Variants in SEC24D observed in about 807,000 individuals in gnomAD.
SEC24D encodes protein transport protein Sec24D.
A neutral mutation model predicts 116.9 loss-of-function variants in SEC24D; 69 were observed. The observed-to-expected ratio is 0.59, with a 90% CI of 0.49 to 0.72. SEC24D has a LOEUF of 0.72. Ranked by LOEUF, SEC24D falls within the 30% of genes least tolerant of loss-of-function variation. The probability of loss-of-function intolerance (pLI) is 0.00; values close to 1 mark genes in which losing one functional copy is unlikely to be tolerated. For missense variants in SEC24D, 1,131 were observed against 1,264.1 expected, an observed-to-expected ratio of 0.89 and a Z score of 1.60; for synonymous variants, 405 against 442.8, an observed-to-expected ratio of 0.91 and a Z score of 1.07.
At chr4:118,825,284 C>G (rs1293159916) in intron 2 of SEC24D, among the ~76,000 whole-genome samples, 1 of 152,194 alleles carries the variant, frequency 6.6e-6, no homozygotes, top group Non-Finnish European at 1.5e-5. Flanking sequence ...TTTCCAGAAT[C>G]CTAACTGGCT....
chr4:118,759,730 CTCA>C (rs1274553351), intron 10 of SEC24D, among the ~76,000 whole-genome samples: 1 of 152,148 alleles, frequency 6.6e-6, no homozygotes, highest in East Asian at 1.9e-4. Flanking sequence ...TTTTCATTTT[CTCA>C]TCTTTATCCA....
chr4:118,762,747 G>T (rs978795389), intron 10 of SEC24D, among the ~76,000 whole-genome samples: 2 of 152,064 alleles, frequency 1.3e-5, no homozygotes, highest in Admixed American at 6.6e-5. Flanking sequence ...ATAATAAAAG[G>T]AAGATTATGC....
At chr4:118,752,979 A>G in intron 11 of SEC24D, 91 bp from the exon 12 acceptor site, 1 of 883,948 alleles carries the variant, frequency 1.1e-6, no homozygotes, top group Non-Finnish European at 1.7e-6. Context: ...TGTCTTCTAT[A>G]AAATACATAA....
At chr4:118,762,297 G>A (rs1458190148) in intron 10 of SEC24D, among the ~76,000 whole-genome samples, 1 of 151,958 alleles carries the variant, frequency 6.6e-6, no homozygotes, top group Non-Finnish European at 1.5e-5. Flanking sequence ...TAGAGAATAG[G>A]GCTTCTGTGA....
intron 22 of SEC24D, among the ~76,000 whole-genome samples, chr4:118,725,574 ATTGCTCATCTGAGGTATT>A (rs1490270916): frequency 2.0e-5 from 3 of 151,532 alleles, no homozygotes; most frequent in African/African-American, 7.3e-5. Flanking sequence ...AGAAGGTCAG[ATTGCTCATCTGAGGTATT>A]TTCTATTGCT....
At chr4:118,724,562 T>G (rs1243784757) in intron 22 of SEC24D, among the ~76,000 whole-genome samples, 1 of 152,180 alleles carries the variant, frequency 6.6e-6, no homozygotes, top group East Asian at 1.9e-4. Context: ...AATTAATTAT[T>G]TAAATGAATT....
Position 118,764,825 on chromosome 4 carries a change from C to T in SEC24D, c.1273G>A (p.Val425Ile), listed in dbSNP as rs1250073459. 1.9e-6 allele frequency: 3 copies of T among 1,600,050 alleles called. No homozygotes were observed. Among genetic ancestry groups the T allele is most frequent in the Non-Finnish European group, 2.6e-6 (3 of 1,167,758 alleles). ...PELSLGSYEY[V>I]ATLDYCRKSK... ...ACTCTGCAATAATCCAAAGTGGCAA[C>T]ATATTCATAAGATCCTAGAGATAAC... Residue 425 changes from valine (V) to isoleucine (I), a missense_variant, in exon 10 of 23, where the codon GTT (valine) becomes ATT (isoleucine). Physicochemically the swap from Val to Ile is conservative, Grantham distance 29 (BLOSUM62 3). Transcript: ENST00000280551.
chr4:118,764,640 A>G, intron 10 of SEC24D, 162 bp downstream of exon 10: 1 of 513,650 alleles, frequency 1.9e-6, no homozygotes, highest in Admixed American at 3.5e-5. Context: ...GAATCATGTT[A>G]ACAACCTAGG....
chr4:118,764,412 A>G (rs564391927), intron 10 of SEC24D: 9 of 160,950 alleles, frequency 5.6e-5, no homozygotes, highest in East Asian at 1.8e-4. Context: ...AAACACGTCA[A>G]TAGTCCTACT....
intron 13 of SEC24D, among the ~76,000 whole-genome samples, chr4:118,747,400 G>C (rs1187251246): frequency 2.0e-5 from 3 of 150,908 alleles, no homozygotes; most frequent in African/African-American, 7.3e-5. Context: ...CCAAGTAACT[G>C]GGATTACAGA....
intron 4 of SEC24D, chr4:118,816,680 A>C (rs1170151352): frequency 3.1e-6 from 1 of 320,476 alleles, no homozygotes; most frequent in African/African-American, 2.2e-5. Context: ...TAACATGGAA[A>C]CATTCTTCAT....
chr4:118,744,427 T>TA (rs1288915344), intron 14 of SEC24D, among the ~76,000 whole-genome samples: 1 of 152,240 alleles, frequency 6.6e-6, no homozygotes, highest in Non-Finnish European at 1.5e-5. Flanking sequence ...ATGGAGCTGA[T>TA]ACTGCAGCCC....
Position 118,728,563 on chromosome 4 carries a change from T to C in SEC24D, c.2956A>G (p.Lys986Glu). The C allele has an allele frequency of 6.3e-7, 1 of 1,585,764 alleles. No homozygotes were observed. The highest frequency in any genetic ancestry group is 2.2e-5 in the East Asian group (1 of 44,638). ...IIQQKRPYSM[K>E]LTIVKQREQP... Reference sequence around the variant, plus strand: ...GAAAAATAAAATTGCTTTCTTACCTTCATTGAATATGGCCTCTTTTGTTGG... The same window carrying C: ...GAAAAATAAAATTGCTTTCTTACCTCCATTGAATATGGCCTCTTTTGTTGG... Residue 986 changes from lysine to glutamate, a missense_variant and splice_region_variant, in exon 22 of 23, where the codon AAG becomes GAG. Physicochemically the swap from Lys to Glu is moderately conservative, Grantham distance 56. Transcript: ENST00000280551.
intron 8 of SEC24D, among the ~76,000 whole-genome samples, chr4:118,793,739 TAGAG>T (rs1244115514): frequency 6.6e-6 from 1 of 152,200 alleles, no homozygotes; most frequent in African/African-American, 2.4e-5. Context: ...TTCCTTTAAA[TAGAG>T]AGTGTCTTCA....
intron 8 of SEC24D, among the ~76,000 whole-genome samples, chr4:118,773,811 C>T (rs996578140): frequency 6.6e-6 from 1 of 152,124 alleles, no homozygotes; most frequent in African/African-American, 2.4e-5. Flanking sequence ...CTACTTTTAG[C>T]TTTACTGTAT....
intron 10 of SEC24D, among the ~76,000 whole-genome samples, chr4:118,762,714 A>C (rs752029140): frequency 6.6e-6 from 1 of 152,210 alleles, no homozygotes; most frequent in Non-Finnish European, 1.5e-5. Flanking sequence ...TTTACAGCAT[A>C]TTTATTATGA....
At chr4:118,801,340 A>G (rs1479103325) in intron 7 of SEC24D, among the ~76,000 whole-genome samples, 1 of 152,188 alleles carries the variant, frequency 6.6e-6, no homozygotes, top group Non-Finnish European at 1.5e-5. Flanking sequence ...CAGTCTGCCC[A>G]AAGTTAGATA....
intron 3 of SEC24D, among the ~76,000 whole-genome samples, chr4:118,817,777 G>A (rs547175459): frequency 1.3e-5 from 2 of 152,272 alleles, no homozygotes; most frequent in Admixed American, 6.5e-5. Context: ...AGCGGCTCAT[G>A]CCTATTATCC....
At chr4:118,812,926 C>T (rs1030145784) in intron 6 of SEC24D, among the ~76,000 whole-genome samples, 17 of 152,120 alleles carry the variant, frequency 1.1e-4, no homozygotes, top group African/African-American at 3.9e-4. Context: ...CCATGGGAGT[C>T]GGAGCCCCAC....
Sources: allele counts gnomAD v4.1 joint callset (sites outside exome capture counted in the v4.1 genomes callset), GRCh38; gene constraint gnomAD v4.1.1; transcripts MANE v1.5; gene names NCBI Gene and HGNC (gene_info 2026-07-23, HGNC 2026-07-21).